Variants in SYT1 observed in about 807,000 individuals in gnomAD.
The protein encoded by SYT1 is synaptotagmin-1.
In SYT1, 8 loss-of-function variants were observed where a neutral mutation model predicts 44.8. The ratio of observed to expected loss-of-function variants is 0.18; its 90% CI spans 0.10 to 0.32. The LOEUF is 0.32. Ranked by LOEUF, SYT1 falls within the 10% of genes least tolerant of loss-of-function variation. The probability of loss-of-function intolerance (pLI) is 1.00; values close to 1 mark genes in which losing one functional copy is unlikely to be tolerated. For synonymous variants in SYT1, 154 were observed against 188.8 expected, an observed-to-expected ratio of 0.82 and a Z score of 1.51; for missense variants, 286 against 509.3, an observed-to-expected ratio of 0.56 and a Z score of 4.22.
chr12:79,372,585 G>C (rs1197775586), intron 9 of SYT1, among the ~76,000 whole-genome samples: 1 of 152,192 alleles, frequency 6.6e-6, no homozygotes, highest in Non-Finnish European at 1.5e-5. Context: ...CTAAATCACT[G>C]TGTATTGGCT....
chr12:79,357,019 G>A (rs1308310487), intron 9 of SYT1, among the ~76,000 whole-genome samples: 1 of 152,088 alleles, frequency 6.6e-6, no homozygotes, highest in Non-Finnish European at 1.5e-5. Context: ...GTATCAGTAG[G>A]CCCACATTTT....
intron 3 of SYT1, among the ~76,000 whole-genome samples, chr12:79,096,116 T>C (rs563053962): frequency 8.6e-5 from 13 of 152,000 alleles, no homozygotes; most frequent in African/African-American, 2.6e-4. Flanking sequence ...ACAGAAAGAA[T>C]AGATCATAAC....
intron 3 of SYT1, among the ~76,000 whole-genome samples, chr12:79,112,384 A>G (rs1879063180): frequency 6.6e-6 from 1 of 152,128 alleles, no homozygotes; most frequent in Non-Finnish European, 1.5e-5. Flanking sequence ...GATACAAAAA[A>G]AAGTTCTATT....
chr12:79,224,747 ATT>A (rs367969269), intron 4 of SYT1, among the ~76,000 whole-genome samples: 4 of 13,910 alleles, frequency 2.9e-4, no homozygotes, highest in Non-Finnish European at 6.0e-4. Context: ...TTATTTATTT[ATT>A]TTTTATTATT....
chr12:79,018,513 T>A lies in SYT1; in HGVS notation c.-83-28784T>A, dbSNP rs565456683. Among the ~76,000 whole-genome samples, 6 of 152,140 alleles carry A rather than the reference T, an allele frequency of 3.9e-5. No individual in the cohort carries two copies. The South Asian group carries it at 1.2e-3, about 32-fold the overall frequency. On this transcript the variant is annotated intron_variant, in intron 2 of 10. Coordinates refer to ENST00000261205, the MANE Select transcript of SYT1 (RefSeq NM_005639.3). Reference sequence around the variant, plus strand: ...ATAATAATAATAAAAAATTGTATATTTATTAAAGTCTTTCCTCTTATATAA... The same window carrying A: ...ATAATAATAATAAAAAATTGTATATATATTAAAGTCTTTCCTCTTATATAA...
intron 3 of SYT1, among the ~76,000 whole-genome samples, chr12:79,048,798 C>G (rs944056449): frequency 6.6e-6 from 1 of 151,844 alleles, no homozygotes; most frequent in African/African-American, 2.4e-5. Flanking sequence ...ACCTGCAAAT[C>G]TGCGTGAGTT....
chr12:78,911,886 A>G (rs1231249509), intron 1 of SYT1, among the ~76,000 whole-genome samples: 1 of 152,032 alleles, frequency 6.6e-6, no homozygotes, highest in Non-Finnish European at 1.5e-5. Context: ...GGGACTACCT[A>G]CTTTGTTAAA....
intron 3 of SYT1, among the ~76,000 whole-genome samples, chr12:79,163,982 C>A (rs1384188865): frequency 1.3e-5 from 2 of 151,868 alleles, no homozygotes; most frequent in Non-Finnish European, 2.9e-5. Context: ...CTGGGCTGTG[C>A]CATTGTTGTA....
At chr12:78,954,563 A>G (rs930763483) in intron 1 of SYT1, among the ~76,000 whole-genome samples, 1 of 152,036 alleles carries the variant, frequency 6.6e-6, no homozygotes, top group Non-Finnish European at 1.5e-5. Context: ...AGAAAAATAT[A>G]TGTAAATATC....
At chr12:79,210,067 A>C (rs550735996) in intron 3 of SYT1, among the ~76,000 whole-genome samples, 3 of 152,190 alleles carry the variant, frequency 2.0e-5, no homozygotes, top group Admixed American at 6.5e-5. Flanking sequence ...ATTGCAGTAT[A>C]GTAGACTATC....
intron 3 of SYT1, among the ~76,000 whole-genome samples, chr12:79,092,703 T>A (rs2138009612): frequency 6.6e-6 from 1 of 151,826 alleles, no homozygotes; most frequent in Non-Finnish European, 1.5e-5. Flanking sequence ...TACTACGATC[T>A]CAAAATCATC....
chr12:79,352,397 G>T (rs1016322226), intron 8 of SYT1, among the ~76,000 whole-genome samples: 3 of 152,080 alleles, frequency 2.0e-5, no homozygotes, highest in Non-Finnish European at 4.4e-5. Context: ...AAGTCTATCT[G>T]CAGAAGTCTG....
intron 8 of SYT1, among the ~76,000 whole-genome samples, chr12:79,308,591 G>GGAA (rs1880561354): frequency 9.1e-6 from 1 of 110,458 alleles, no homozygotes; most frequent in Non-Finnish European, 1.9e-5. Flanking sequence ...GGAAAAGAAA[G>GGAA]AAGAAAGAAA....
chr12:79,340,252 A>G (rs1341212800), intron 8 of SYT1, among the ~76,000 whole-genome samples: 1 of 152,178 alleles, frequency 6.6e-6, no homozygotes, highest in Admixed American at 6.5e-5. Context: ...TCTATAAATT[A>G]CCTTGGGCAG....
intron 1 of SYT1, among the ~76,000 whole-genome samples, chr12:78,885,655 GC>G (rs1471072344): frequency 6.6e-6 from 1 of 151,996 alleles, no homozygotes; most frequent in African/African-American, 2.4e-5. Context: ...TGGGCCAGGT[GC>G]TGCAGGCTGA....
chr12:79,298,592 G>T (rs1335901542), intron 7 of SYT1, among the ~76,000 whole-genome samples: 1 of 152,110 alleles, frequency 6.6e-6, no homozygotes, highest in Non-Finnish European at 1.5e-5. Flanking sequence ...TTACTGAAGT[G>T]TAGCTTACTT....
chr12:78,870,602 G>A (rs1472141101), intron 1 of SYT1, among the ~76,000 whole-genome samples: 2 of 151,974 alleles, frequency 1.3e-5, no homozygotes, highest in Non-Finnish European at 2.9e-5. Flanking sequence ...ATAGTCTCCT[G>A]TCCTCTTCCA....
At chr12:79,165,271 A>G (rs1257761393) in intron 3 of SYT1, among the ~76,000 whole-genome samples, 1 of 151,966 alleles carries the variant, frequency 6.6e-6, no homozygotes, top group Non-Finnish European at 1.5e-5. Context: ...AGTTAGAAAA[A>G]ATCTCTGTTG....
chr12:79,427,475 G>A (rs991511617), intron 9 of SYT1, among the ~76,000 whole-genome samples: 22 of 152,190 alleles, frequency 1.4e-4, no homozygotes, highest in African/African-American at 4.8e-4. Flanking sequence ...TTCTCAGCTA[G>A]TGCTAAAGAT....
Sources: gnomAD v4.1 joint callset for allele counts (sites outside exome capture counted in the v4.1 genomes callset) on GRCh38, gnomAD v4.1.1 for gene constraint, MANE v1.5 for transcripts, NCBI Gene and HGNC (gene_info 2026-07-23, HGNC 2026-07-21) for gene names.